NELL2: variants seen among roughly 807,000 people sequenced by gnomAD.
NELL2 encodes protein kinase C-binding protein NELL2.
In NELL2, 41 loss-of-function variants were observed where a neutral mutation model predicts 109.6. The ratio of observed to expected loss-of-function variants is 0.37; its 90% CI spans 0.29 to 0.49. NELL2 has a LOEUF of 0.49. NELL2 is among the 20% of genes least tolerant of loss of function. NELL2 has a pLI of 0.98. For synonymous variants in NELL2, 355 were observed against 344.7 expected (o/e 1.03, Z -0.33); for missense variants, 900 against 1,008.3 (o/e 0.89, Z 1.45).
At chr12:44,621,072 C>T (rs1249750387) in intron 13 of NELL2, among the ~76,000 whole-genome samples, 1 of 152,068 alleles carries the variant, frequency 6.6e-6, no homozygotes, top group Non-Finnish European at 1.5e-5. Flanking sequence ...CATTGATGTA[C>T]CCACTGCAAC....
intron 9 of NELL2, among the ~76,000 whole-genome samples, chr12:44,766,973 A>G (rs948326378): frequency 3.3e-5 from 5 of 152,218 alleles, no homozygotes; most frequent in African/African-American, 1.2e-4. Flanking sequence ...AGAAATTGCA[A>G]TTCAGAGTGA....
intron 1 of NELL2, among the ~76,000 whole-genome samples, chr12:44,907,373 G>C (rs149303832): frequency 1.6e-3 from 245 of 152,194 alleles, no homozygotes; most frequent in African/African-American, 5.5e-3. Flanking sequence ...ACAAAGGACT[G>C]AGAACAATAA....
At chr12:44,540,090 A>T (rs1246837742) in intron 15 of NELL2, among the ~76,000 whole-genome samples, 1 of 152,168 alleles carries the variant, frequency 6.6e-6, no homozygotes. Context: ...AGAATGTGTT[A>T]ATTTTACACA....
chr12:44,697,389 G>C (rs1949099109), intron 12 of NELL2, among the ~76,000 whole-genome samples: 1 of 152,050 alleles, frequency 6.6e-6, no homozygotes, highest in African/African-American at 2.4e-5. Context: ...ATTTGGATAC[G>C]CCAATGAGTC....
intron 16 of NELL2, among the ~76,000 whole-genome samples, chr12:44,524,429 A>G (rs1941678421): frequency 6.6e-6 from 1 of 152,194 alleles, no homozygotes; most frequent in Non-Finnish European, 1.5e-5. Flanking sequence ...AAGGTCAAGA[A>G]AGAAAGAATT....
At chr12:44,791,113 ATATATATG>A (rs1211006245) in intron 3 of NELL2, among the ~76,000 whole-genome samples, 203 of 9,904 alleles carry the variant, frequency 0.02, 5 homozygotes, top group Non-Finnish European at 0.028. Context: ...ATATATGTAT[ATATATATG>A]TATATATATA....
At chr12:44,522,533 G>C (rs1340085468) in intron 17 of NELL2, among the ~76,000 whole-genome samples, 1 of 151,840 alleles carries the variant, frequency 6.6e-6, no homozygotes, top group Non-Finnish European at 1.5e-5. Flanking sequence ...ATTTTGTTTT[G>C]TTTGAGGACA....
rs140625066 is a variant in NELL2, at chr12:44,759,801, C to T, written c.994+14946G>A. The stretch of plus-strand genomic sequence containing the variant: ...ACAATGCTGCTTACTCTGAAGTCCT[C>T]CCATTTAGAGTGTTTATTTCCCACA... On this transcript the variant is annotated intron_variant, in intron 9 of 19. Coordinates refer to ENST00000429094, the MANE Select transcript of NELL2 (RefSeq NM_001145108.2). Among the ~76,000 whole-genome samples the T allele has an allele frequency of 2.0e-3, 300 of 152,276 alleles. 2 individuals are homozygous for T. Among genetic ancestry groups the T allele is most frequent in the African/African-American group, 6.7e-3 (279 of 41,562 alleles).
chr12:44,542,652 AAC>A (rs981724074), intron 15 of NELL2, among the ~76,000 whole-genome samples: 2 of 152,200 alleles, frequency 1.3e-5, no homozygotes, highest in African/African-American at 4.8e-5. Flanking sequence ...ACACAAAAGA[AAC>A]ACAGAGAAAG....
At chr12:44,920,386 A>G (rs1350231833) in intron 1 of NELL2, among the ~76,000 whole-genome samples, 1 of 152,082 alleles carries the variant, frequency 6.6e-6, no homozygotes, top group African/African-American at 2.4e-5. Flanking sequence ...GTTCCTTGAA[A>G]TTTTTTACTA....
chr12:44,704,433 T>G (rs1272556122), intron 11 of NELL2, among the ~76,000 whole-genome samples: 1 of 152,200 alleles, frequency 6.6e-6, no homozygotes, highest in African/African-American at 2.4e-5. Flanking sequence ...GAAGAAAATT[T>G]TTAGGAATTA....
chr12:44,744,979 A>G (rs191141128), intron 9 of NELL2, among the ~76,000 whole-genome samples: 12 of 152,312 alleles, frequency 7.9e-5, no homozygotes, highest in Admixed American at 3.9e-4. Flanking sequence ...CTGATACCAA[A>G]GCCTGGCAGA....
intron 15 of NELL2, among the ~76,000 whole-genome samples, chr12:44,560,615 C>T (rs980560175): frequency 1.3e-5 from 2 of 152,052 alleles, no homozygotes; most frequent in Admixed American, 1.3e-4. Flanking sequence ...ATACACCCTC[C>T]CAAGGCTAAA....
chr12:44,687,120 T>G (rs1948745664), intron 12 of NELL2, among the ~76,000 whole-genome samples: 2 of 152,194 alleles, frequency 1.3e-5, no homozygotes, highest in South Asian at 4.1e-4. Context: ...CACCATTTTT[T>G]AAGCCCGTCG....
At chr12:44,849,340 A>C (rs919551542) in intron 2 of NELL2, among the ~76,000 whole-genome samples, 53 of 152,294 alleles carry the variant, frequency 3.5e-4, no homozygotes, top group African/African-American at 1.3e-3. Flanking sequence ...ACAAACCAAA[A>C]ATAAAAAGAT....
intron 13 of NELL2, among the ~76,000 whole-genome samples, chr12:44,649,603 T>C (rs1342017848): frequency 2.0e-5 from 3 of 152,156 alleles, no homozygotes; most frequent in Non-Finnish European, 4.4e-5. Context: ...TGTCACAGCA[T>C]TGAAGGCTTC....
intron 9 of NELL2, among the ~76,000 whole-genome samples, chr12:44,754,122 T>G (rs1203010171): frequency 4.1e-5 from 6 of 146,496 alleles, no homozygotes; most frequent in Non-Finnish European, 8.9e-5. Flanking sequence ...GGAAAGCTAT[T>G]TTAAAGCTAT....
At chr12:44,576,299 C>T (rs982016860) in intron 15 of NELL2, among the ~76,000 whole-genome samples, 1 of 152,202 alleles carries the variant, frequency 6.6e-6, no homozygotes, top group Admixed American at 6.5e-5. Flanking sequence ...GTCATATCTG[C>T]AAATTATCAG....
chr12:44,876,236 C>G lies in NELL2; in HGVS notation c.-367G>C, dbSNP rs1440046131. 1 of 1,169,780 alleles carries G rather than the reference C, an allele frequency of 8.5e-7. No individual in the cohort carries two copies. The highest frequency in any genetic ancestry group is 1.1e-6 in the Non-Finnish European group (1 of 946,112). 72.5% of individuals were successfully genotyped at this position (1,169,780 alleles called of 1,614,324 possible). On this transcript the variant is annotated 5_prime_UTR_variant, in exon 1 of 20. Coordinates refer to ENST00000429094, the MANE Select transcript of NELL2 (RefSeq NM_001145108.2). The stretch of plus-strand genomic sequence containing the variant: ...CACACCCGGTAGAAGGGGGGCGGCC[C>G]CAAGAAAGCCCGGGCTGGGGCGGCC...
Sources: allele counts gnomAD v4.1 joint callset (sites outside exome capture counted in the v4.1 genomes callset), GRCh38; gene constraint gnomAD v4.1.1; transcripts MANE v1.5; gene names NCBI Gene and HGNC (gene_info 2026-07-23, HGNC 2026-07-21).